The following RANBP17 variants were observed in gnomAD, a reference collection of about 807,000 sequenced individuals.
RANBP17 encodes RAN binding protein 17.
Under a neutral mutation model 141.2 loss-of-function variants are expected in RANBP17, and 158 were observed. The observed-to-expected ratio is 1.12, with a 90% CI of 0.98 to 1.28. The LOEUF (loss-of-function observed/expected upper bound fraction) is 1.28, where lower values mean the gene tolerates loss of function less well. Among genes scored for constraint, RANBP17 ranks in the 50% most tolerant of loss-of-function variants. RANBP17 has a pLI of 0.00. For missense variants in RANBP17, 1,438 were observed against 1,290.7 expected, an observed-to-expected ratio of 1.11 and a Z score of -1.75; for synonymous variants, 430 against 450.0, an observed-to-expected ratio of 0.96 and a Z score of 0.56.
chr5:171,253,062 T>A, intron 24 of RANBP17: 2 of 890,090 alleles, frequency 2.2e-6, no homozygotes, highest in Admixed American at 4.1e-5. Context: ...AAGCACTGAT[T>A]TTTCAAGAAA....
At chr5:170,966,896 A>C (rs1484348460) in intron 13 of RANBP17, among the ~76,000 whole-genome samples, 1 of 152,194 alleles carries the variant, frequency 6.6e-6, no homozygotes, top group Non-Finnish European at 1.5e-5. Context: ...CTTACACACC[A>C]ATAACAGACA....
intron 14 of RANBP17, among the ~76,000 whole-genome samples, chr5:171,013,475 T>C (rs1780209666): frequency 6.6e-6 from 1 of 152,120 alleles, no homozygotes; most frequent in Non-Finnish European, 1.5e-5. Flanking sequence ...TAGATATTTT[T>C]TTAACATACT....
At chr5:171,104,516 C>G (rs1754636592) in intron 14 of RANBP17, among the ~76,000 whole-genome samples, 1 of 152,186 alleles carries the variant, frequency 6.6e-6, no homozygotes, top group Admixed American at 6.5e-5. Context: ...CACATTACAT[C>G]AATGGTTGAG....
At chr5:170,910,863 C>A in intron 6 of RANBP17, 106 bp from the exon 7 acceptor site, 1 of 1,123,330 alleles carries the variant, frequency 8.9e-7, no homozygotes, top group Non-Finnish European at 1.3e-6. Flanking sequence ...ACTTTGTAAA[C>A]TCCTTTATTA....
intron 14 of RANBP17, among the ~76,000 whole-genome samples, chr5:171,114,477 A>G (rs1485420756): frequency 6.6e-6 from 1 of 151,860 alleles, no homozygotes; most frequent in Non-Finnish European, 1.5e-5. Context: ...AATTTTTATG[A>G]AATACATAGA....
intron 14 of RANBP17, among the ~76,000 whole-genome samples, chr5:170,984,045 T>G (rs1777949283): frequency 6.6e-6 from 1 of 152,174 alleles, no homozygotes; most frequent in Admixed American, 6.5e-5. Context: ...CATTAGATTT[T>G]CAGCAAATAC....
At chr5:171,213,607 A>G in intron 20 of RANBP17, 24 bp from the exon 21 acceptor site, 4 of 1,550,686 alleles carry the variant, frequency 2.6e-6, no homozygotes, top group Non-Finnish European at 3.6e-6. Context: ...AGACCCTTAA[A>G]TTCTTTAACA....
At chr5:171,130,281 A>G (rs1160565133) in intron 14 of RANBP17, among the ~76,000 whole-genome samples, 7 of 152,196 alleles carry the variant, frequency 4.6e-5, no homozygotes, top group Non-Finnish European at 8.8e-5. Context: ...CTCTTGGAAT[A>G]AGCACAGGAG....
chr5:171,144,587 T>G (rs1272319074), intron 14 of RANBP17, among the ~76,000 whole-genome samples: 2 of 152,180 alleles, frequency 1.3e-5, no homozygotes, highest in Admixed American at 1.3e-4. Context: ...GTGCCCCCAT[T>G]GCCTTCCCCA....
intron 25 of RANBP17, among the ~76,000 whole-genome samples, chr5:171,278,573 A>G (rs1332668864): frequency 6.6e-6 from 1 of 152,196 alleles, no homozygotes; most frequent in African/African-American, 2.4e-5. Flanking sequence ...CTCAAGAGCC[A>G]TGAGGCAGCC....
chr5:171,048,536 T>C (rs904561767), intron 14 of RANBP17, among the ~76,000 whole-genome samples: 6 of 152,084 alleles, frequency 3.9e-5, no homozygotes, highest in Admixed American at 1.3e-4. Flanking sequence ...CATAGGTAAA[T>C]TGTGTGTCAC....
chr5:171,089,462 C>T (rs1408469009), intron 14 of RANBP17, among the ~76,000 whole-genome samples: 2 of 152,000 alleles, frequency 1.3e-5, no homozygotes, highest in Non-Finnish European at 2.9e-5. Context: ...GCAGGCAGGC[C>T]TCCTTGAGCT....
intron 12 of RANBP17, among the ~76,000 whole-genome samples, chr5:170,927,604 A>G (rs1773032542): frequency 6.6e-6 from 1 of 151,428 alleles, no homozygotes. Context: ...AGAGCTTTTT[A>G]CAGTTAGGAA....
chr5:171,149,504 G>A (rs1240473262), intron 14 of RANBP17, among the ~76,000 whole-genome samples: 1 of 152,064 alleles, frequency 6.6e-6, no homozygotes, highest in Non-Finnish European at 1.5e-5. Context: ...TTGTTCAGAG[G>A]CAAAACAAAA....
Position 170,911,068 on chromosome 5 carries a change from GGC to G in RANBP17, c.695_696del (p.Gly232GlufsTer5). 1 of 1,611,964 alleles carries G rather than the reference GGC, an allele frequency of 6.2e-7. No homozygotes were observed. The highest frequency in any genetic ancestry group is 8.5e-7 in the Non-Finnish European group (1 of 1,178,694). On this transcript the variant is annotated frameshift_variant, in exon 7 of 28. Transcript: ENST00000523189. LOFTEE classifies it high-confidence loss of function. ...VLNCLNFDFI[G>X]SSADESADDL... ...TAACTGCCTTAACTTTGACTTCATT[GGC>G]AGTTCAGCAGATGAATCTGCAGATG...
chr5:170,865,359 G>A (rs1413799844), intron 1 of RANBP17, among the ~76,000 whole-genome samples: 1 of 152,088 alleles, frequency 6.6e-6, no homozygotes, highest in African/African-American at 2.4e-5. Flanking sequence ...CACCGCGCCC[G>A]GCCCTGTTTG....
chr5:171,088,529 G>A (rs1401402364), intron 14 of RANBP17, among the ~76,000 whole-genome samples: 2 of 152,146 alleles, frequency 1.3e-5, no homozygotes, highest in Non-Finnish European at 2.9e-5. Context: ...GATTGGGGAA[G>A]TTCTCCTGGA....
chr5:171,235,214 C>T (rs910325456), intron 22 of RANBP17, among the ~76,000 whole-genome samples: 2 of 151,922 alleles, frequency 1.3e-5, no homozygotes, highest in Admixed American at 6.6e-5. Flanking sequence ...GAAAAGAGCA[C>T]TTTGAGTGGA....
At chr5:171,241,345 C>T (rs1031090929) in intron 23 of RANBP17, among the ~76,000 whole-genome samples, 2 of 146,704 alleles carry the variant, frequency 1.4e-5, no homozygotes, top group African/African-American at 5.0e-5. Context: ...TATATAGAAA[C>T]CAATATGTGC....
Sources: allele counts gnomAD v4.1 joint callset (sites outside exome capture counted in the v4.1 genomes callset), GRCh38; gene constraint gnomAD v4.1.1; transcripts MANE v1.5; gene names NCBI Gene and HGNC (gene_info 2026-07-23, HGNC 2026-07-21).